The following GALNT7 variants were observed in gnomAD, a reference collection of about 807,000 sequenced individuals.
GALNT7 encodes the protein N-acetylgalactosaminyltransferase 7.
In GALNT7, 60 loss-of-function variants were observed where a neutral mutation model predicts 82.1. The observed-to-expected ratio is 0.73, with a 90% CI of 0.59 to 0.91. The LOEUF (loss-of-function observed/expected upper bound fraction) is 0.91. Among genes scored for constraint, GALNT7 ranks in the 40% least tolerant of loss-of-function variants. The pLI is 0.00. For missense variants in GALNT7, 660 were observed against 804.2 expected (o/e 0.82, Z 2.17); for synonymous variants, 243 against 275.1 (o/e 0.88, Z 1.15).
intron 1 of GALNT7, among the ~76,000 whole-genome samples, chr4:173,238,501 A>G (rs1179478280): frequency 1.3e-5 from 2 of 152,326 alleles, no homozygotes; most frequent in African/African-American, 4.8e-5. Context: ...AGTGGCATTC[A>G]TATGCCTTGT....
At chr4:173,252,899 G>A (rs1334344627) in intron 2 of GALNT7, among the ~76,000 whole-genome samples, 1 of 152,008 alleles carries the variant, frequency 6.6e-6, no homozygotes, top group Non-Finnish European at 1.5e-5. Context: ...AGTTACAGGG[G>A]AGTCAGAAAA....
At chr4:173,191,229 G>A (rs897542743) in intron 1 of GALNT7, among the ~76,000 whole-genome samples, 1 of 147,572 alleles carries the variant, frequency 6.8e-6, no homozygotes, top group East Asian at 1.9e-4. Context: ...GGATGGGATG[G>A]GGGGGGTACT....
rs372990613 is a variant in GALNT7 at position 173,321,938 on chromosome 4, T to C, written c.*221T>C. The C allele has an allele frequency of 9.9e-6, 4 of 402,538 alleles. No individual in the cohort carries two copies. Among genetic ancestry groups the C allele is most frequent in the African/African-American group, 8.0e-5 (4 of 49,928 alleles). 24.9% of individuals were successfully genotyped at this position (402,538 alleles called of 1,614,324 possible). A position where few individuals can be genotyped will look rare whatever the true frequency, so the allele number is the denominator to read the frequency against. ...CTGCTTTTACCTTAAACTTTGTAGATGTTTACATCTTTTTGTTGTGTTTTA... is the reference window on the plus strand; with the variant it reads ...CTGCTTTTACCTTAAACTTTGTAGACGTTTACATCTTTTTGTTGTGTTTTA... On this transcript the variant is annotated 3_prime_UTR_variant, in exon 12 of 12. Coordinates refer to ENST00000265000, the MANE Select transcript of GALNT7 (RefSeq NM_017423.3).
intron 1 of GALNT7, among the ~76,000 whole-genome samples, chr4:173,216,502 A>G (rs1052809048): frequency 7.9e-5 from 12 of 151,774 alleles, no homozygotes; most frequent in African/African-American, 2.9e-4. Flanking sequence ...GTTTTCTTTT[A>G]TAAAAACTAT....
At chr4:173,240,093 T>C (rs1202419690) in intron 1 of GALNT7, among the ~76,000 whole-genome samples, 1 of 152,190 alleles carries the variant, frequency 6.6e-6, no homozygotes, top group Non-Finnish European at 1.5e-5. Flanking sequence ...CTTCTTAATA[T>C]AGCCTCTTAT....
intron 1 of GALNT7, among the ~76,000 whole-genome samples, chr4:173,204,797 T>G (rs1198742360): frequency 6.6e-6 from 1 of 152,250 alleles, no homozygotes; most frequent in African/African-American, 2.4e-5. Flanking sequence ...AGTTCATATA[T>G]CTCCATTTTG....
intron 1 of GALNT7, among the ~76,000 whole-genome samples, chr4:173,191,415 C>G (rs1357843748): frequency 1.3e-5 from 2 of 152,174 alleles, no homozygotes; most frequent in Admixed American, 6.5e-5. Context: ...CTAGTGTCCC[C>G]TGTTTGGTAA....
At chr4:173,257,689 T>TTTTAA (rs902669198) in intron 2 of GALNT7, among the ~76,000 whole-genome samples, 36 of 152,216 alleles carry the variant, frequency 2.4e-4, no homozygotes, top group Admixed American at 2.6e-4. Context: ...TAAATCACAT[T>TTTTAA]TTTAATAGCC....
At chr4:173,176,851 T>TA (rs1413667756) in intron 1 of GALNT7, among the ~76,000 whole-genome samples, 4 of 152,162 alleles carry the variant, frequency 2.6e-5, no homozygotes, top group Non-Finnish European at 5.9e-5. Context: ...AGACTTTGAA[T>TA]GGTCAGAGCT....
chr4:173,320,113 A>G lies in GALNT7; in HGVS notation c.1837-1467A>G, dbSNP rs1737751208. Among the ~76,000 whole-genome samples the G allele has an allele frequency of 6.6e-6, 1 of 152,108 alleles. No individual in the cohort carries two copies. Among genetic ancestry groups the G allele is most frequent in the African/African-American group, 2.4e-5 (1 of 41,432 alleles). Reference sequence around the variant, plus strand: ...CCTTATTTGAGGAAGGTAGTGATGGAAAACAATGGCTACTTTTAGGAAAAT... The same window carrying G: ...CCTTATTTGAGGAAGGTAGTGATGGGAAACAATGGCTACTTTTAGGAAAAT... On this transcript the variant is annotated intron_variant, in intron 11 of 11. Coordinates refer to ENST00000265000, the MANE Select transcript of GALNT7 (RefSeq NM_017423.3). This position sits in a 1 kb window ranked among gnomAD's most constrained non-coding sequence, Gnocchi z 4.1.
chr4:173,255,134 G>A (rs371406233), intron 2 of GALNT7, among the ~76,000 whole-genome samples: 28 of 152,150 alleles, frequency 1.8e-4, no homozygotes, highest in Admixed American at 9.8e-4. Flanking sequence ...ATTTATTTCA[G>A]TGAGGCTACA....
chr4:173,177,640 C>A (rs532092194), intron 1 of GALNT7, among the ~76,000 whole-genome samples: 2 of 152,220 alleles, frequency 1.3e-5, no homozygotes, highest in Admixed American at 6.5e-5. Flanking sequence ...AAAATAATTT[C>A]TTTAAGGACA....
intron 8 of GALNT7, among the ~76,000 whole-genome samples, chr4:173,311,735 A>G (rs1470536032): frequency 1.3e-5 from 2 of 152,148 alleles, no homozygotes; most frequent in Non-Finnish European, 2.9e-5. Flanking sequence ...AACATTGGGG[A>G]TTATAATTGG....
chr4:173,215,230 TTC>T lies in GALNT7; in HGVS notation c.127-32748_127-32747del, dbSNP rs1485957897. Among the ~76,000 whole-genome samples the T allele has an allele frequency of 1.2e-3, 162 of 137,140 alleles. 1 individual carries two copies. Among genetic ancestry groups the T allele is most frequent in the South Asian group, 1.9e-3 (8 of 4,260 alleles). 90.0% of individuals were successfully genotyped at this position (137,140 alleles called of 152,430 possible). A position where few individuals can be genotyped will look rare whatever the true frequency, so the allele number is the denominator to read the frequency against. On this transcript the variant is annotated intron_variant, in intron 1 of 11. Coordinates refer to ENST00000265000, the MANE Select transcript of GALNT7 (RefSeq NM_017423.3). ...CCACCACCAACCTCTGCTCTTCTTC[TTC>T]TTTTTTTTTTTTTTTTGATATGGAG... is the stretch of plus-strand genomic sequence containing the variant.
intron 1 of GALNT7, among the ~76,000 whole-genome samples, chr4:173,200,476 T>C (rs887041264): frequency 3.9e-5 from 6 of 152,214 alleles, no homozygotes; most frequent in African/African-American, 1.4e-4. Flanking sequence ...TATCTCGCTT[T>C]ACATATCATT....
chr4:173,209,188 G>A (rs1242404744), intron 1 of GALNT7, among the ~76,000 whole-genome samples: 36 of 152,114 alleles, frequency 2.4e-4, no homozygotes, highest in Admixed American at 2.4e-3. Context: ...ATATCTGGAG[G>A]GCAGGTCTTC....
At chr4:173,282,060 C>T (rs767502228) in intron 2 of GALNT7, among the ~76,000 whole-genome samples, 2 of 152,114 alleles carry the variant, frequency 1.3e-5, no homozygotes, top group Admixed American at 6.5e-5. Flanking sequence ...AGTGGATTGC[C>T]GAGTTACAGC....
intron 2 of GALNT7, among the ~76,000 whole-genome samples, chr4:173,278,373 C>A (rs894862871): frequency 6.6e-6 from 1 of 152,138 alleles, no homozygotes; most frequent in Admixed American, 6.5e-5. Context: ...TGATATCAAC[C>A]TCTCAGGGAA....
chr4:173,175,989 C>T (rs72994576), intron 1 of GALNT7, among the ~76,000 whole-genome samples: 6,273 of 152,108 alleles, frequency 0.041, 323 homozygotes, highest in African/African-American at 0.12. Flanking sequence ...AGGATAATTG[C>T]TTGAAGCCAG....
Sources: gnomAD v4.1 joint callset for allele counts (sites outside exome capture counted in the v4.1 genomes callset) on GRCh38, gnomAD v4.1.1 for gene constraint, Gnocchi (gnomAD v3.1) non-coding constraint, MANE v1.5 for transcripts, NCBI Gene and HGNC (gene_info 2026-07-23, HGNC 2026-07-21) for gene names.